The following ABRAXAS2 variants were observed in gnomAD, a reference collection of about 807,000 sequenced individuals.
ABRAXAS2 encodes abraxas 2, BRISC complex subunit, also known as BRISC complex subunit Abraxas 2.
ABRAXAS2 carries 23 observed loss-of-function variants against 49.0 expected under a neutral mutation model. The ratio of observed to expected loss-of-function variants is 0.47; its 90% CI spans 0.34 to 0.66. The LOEUF is 0.66. Among genes scored for constraint, ABRAXAS2 ranks in the 30% least tolerant of loss-of-function variants. ABRAXAS2 has a pLI of 0.01. For synonymous variants in ABRAXAS2, 168 were observed against 180.2 expected, an observed-to-expected ratio of 0.93 and a Z score of 0.54; for missense variants, 443 against 511.9, an observed-to-expected ratio of 0.87 and a Z score of 1.30.
intron 2 of ABRAXAS2, 24 bp from the exon 3 acceptor site, chr10:124,816,552 T>C (rs1207633823): frequency 6.4e-7 from 1 of 1,562,638 alleles, no homozygotes; most frequent in South Asian, 1.1e-5. Context: ...TTAACTAAGA[T>C]GTATTTCCTC....
At chr10:124,832,713 C>T (rs766160636) in intron 8 of ABRAXAS2, among the ~76,000 whole-genome samples, 68 of 151,902 alleles carry the variant, frequency 4.5e-4, no homozygotes, top group Non-Finnish European at 7.5e-4. Flanking sequence ...GTCATGGTGG[C>T]GTGCACCTGT....
At chr10:124,828,972 T>C in intron 6 of ABRAXAS2, 97 bp downstream of exon 6, 1 of 1,209,498 alleles carries the variant, frequency 8.3e-7, no homozygotes, top group South Asian at 1.5e-5. Context: ...TAAAACCAAG[T>C]TTGATATGAT....
At chr10:124,812,544 G>A (rs1300713809) in intron 2 of ABRAXAS2, among the ~76,000 whole-genome samples, 1 of 152,152 alleles carries the variant, frequency 6.6e-6, no homozygotes. Context: ...TTGGGAGGCT[G>A]TGGTGGGAGG....
At chr10:124,825,547 G>A (rs959910430) in intron 4 of ABRAXAS2, among the ~76,000 whole-genome samples, 2 of 152,136 alleles carry the variant, frequency 1.3e-5, no homozygotes, top group African/African-American at 4.8e-5. Flanking sequence ...GTAGTAATTA[G>A]TGAAAATATT....
At chr10:124,828,359 AAATT>A (rs1430188911) in intron 5 of ABRAXAS2, among the ~76,000 whole-genome samples, 36 of 151,542 alleles carry the variant, frequency 2.4e-4, no homozygotes, top group African/African-American at 8.7e-4. Flanking sequence ...CCTTTTTAAA[AAATT>A]ATTTATTTAT....
chr10:124,825,472 G>A (rs770128865), intron 4 of ABRAXAS2, among the ~76,000 whole-genome samples: 3 of 151,824 alleles, frequency 2.0e-5, no homozygotes, highest in Non-Finnish European at 2.9e-5. Flanking sequence ...TTATTTCTTT[G>A]TTCTCTGTAG....
intron 5 of ABRAXAS2, 25 bp downstream of exon 5, chr10:124,826,810 T>C: frequency 6.2e-7 from 1 of 1,610,652 alleles, no homozygotes; most frequent in Non-Finnish European, 8.5e-7. Flanking sequence ...TCCATCTGCC[T>C]CACATATAAG....
chr10:124,809,023 C>T (rs1213669625), intron 2 of ABRAXAS2, among the ~76,000 whole-genome samples: 1 of 151,820 alleles, frequency 6.6e-6, no homozygotes, highest in African/African-American at 2.4e-5. Flanking sequence ...CCCAGCTACT[C>T]GGGAGGCTGA....
intron 4 of ABRAXAS2, among the ~76,000 whole-genome samples, chr10:124,821,304 T>C (rs1215612525): frequency 6.7e-6 from 1 of 149,834 alleles, no homozygotes; most frequent in African/African-American, 2.4e-5. Context: ...CGGTGGCTCA[T>C]GCCTGTAATC....
intron 6 of ABRAXAS2, 49 bp downstream of exon 6, chr10:124,828,924 CT>C: frequency 6.3e-7 from 1 of 1,587,852 alleles, no homozygotes; most frequent in Non-Finnish European, 8.6e-7. Flanking sequence ...AGCAATATTT[CT>C]TTTGTTAATA....
In ABRAXAS2 at chr10:124,826,677, C is replaced by A; in HGVS notation, c.350C>A (p.Thr117Asn). ...GAGCAGGTTCTTCACAAGCAGCTCA[C>A]CCGCATCCTCGGCGTGCCCGACCTC... ...YREQVLHKQL[T>N]RILGVPDLVF... Residue 117 changes from threonine to asparagine, a missense_variant, in exon 5 of 9, where the codon ACC becomes AAC. Physicochemically the swap from Thr to Asn is moderately conservative, Grantham distance 65. Coordinates refer to ENST00000298492, the MANE Select transcript of ABRAXAS2 (RefSeq NM_032182.4). 1 of 1,614,218 alleles carries A rather than the reference C, an allele frequency of 6.2e-7. No homozygotes were observed. The highest frequency in any genetic ancestry group is 8.5e-7 in the Non-Finnish European group (1 of 1,180,042).
chr10:124,816,508 T>C lies in ABRAXAS2; in HGVS notation c.164-68T>C. On this transcript the variant is annotated intron_variant, in intron 2 of 8. Transcript: ENST00000298492. ...AGATTTTGATTAAAAAAAAAAGTCC[T>C]GAGCTATTTTATAGTTGCCTATGTC... The C allele has an allele frequency of 1.8e-6, 2 of 1,127,070 alleles. 1 individual carries two copies. Among genetic ancestry groups the C allele is most frequent in the South Asian group, 2.7e-5 (2 of 74,454 alleles). The allele number at this position is 1,127,070 out of a possible 1,614,324, so 69.8% of individuals were successfully genotyped here.
intron 6 of ABRAXAS2, among the ~76,000 whole-genome samples, chr10:124,829,117 A>C (rs940873324): frequency 6.6e-6 from 1 of 152,222 alleles, no homozygotes; most frequent in Admixed American, 6.5e-5. Context: ...TAATTGATAC[A>C]AAAGTTTTGG....
At position 124,834,642 on chromosome 10, in the gene ABRAXAS2, C is replaced by G. The variant is rs377318589; in HGVS notation, c.919C>G (p.Pro307Ala). Residue 307 changes from proline to alanine, a missense_variant, in exon 9 of 9, where the codon CCT becomes GCT. Physicochemically the swap from Pro to Ala is conservative, Grantham distance 27. Around this residue, in one of 3 missense-constraint regions of ABRAXAS2, gnomAD observed 230 missense variants for 237.0 expected, o/e 0.97. Transcript: ENST00000298492. ...GDAEASDPPP[P>A]YSDFHPNNQE... Reference sequence around the variant, plus strand: ...TGCAGAGGCCTCGGATCCTCCTCCCCCTTACTCTGATTTTCACCCAAACAA... The same window carrying G: ...TGCAGAGGCCTCGGATCCTCCTCCCGCTTACTCTGATTTTCACCCAAACAA... The G allele has an allele frequency of 2.5e-6, 4 of 1,614,070 alleles. No homozygotes were observed. The highest frequency in any genetic ancestry group is 2.2e-5 in the South Asian group (2 of 91,070).
intron 8 of ABRAXAS2, among the ~76,000 whole-genome samples, chr10:124,833,876 T>G (rs1950950524): frequency 6.6e-6 from 1 of 152,222 alleles, no homozygotes; most frequent in African/African-American, 2.4e-5. Context: ...TGGTTCAGTA[T>G]CTACTTAAGA....
chr10:124,813,890 T>C (rs1342423480), intron 2 of ABRAXAS2, among the ~76,000 whole-genome samples: 1 of 152,214 alleles, frequency 6.6e-6, no homozygotes, highest in Non-Finnish European at 1.5e-5. Flanking sequence ...TGAGTTTTTC[T>C]TTTCCCTGAA....
chr10:124,834,721 G>A lies in ABRAXAS2; in HGVS notation c.998G>A (p.Arg333Gln). 1.2e-6 allele frequency: 2 copies of A among 1,614,044 alleles called. No homozygotes were observed. Among genetic ancestry groups the A allele is most frequent in the Non-Finnish European group, 1.7e-6 (2 of 1,180,016 alleles). Residue 333 changes from arginine to glutamine, a missense_variant, in exon 9 of 9, where the codon CGA becomes CAA. Arg to Gln is a conservative substitution (Grantham distance 43, BLOSUM62 1). Coordinates refer to ENST00000298492, the MANE Select transcript of ABRAXAS2 (RefSeq NM_032182.4). ...ATGGAAAGGAGTGTCTTTATGCCTC[G>A]ACCTCAAGCTGTGGGCTCTTCCAAT... ...SRMERSVFMP[R>Q]PQAVGSSNYA... is the part of the protein sequence containing the mutation.
At chr10:124,811,509 C>T (rs573561325) in intron 2 of ABRAXAS2, among the ~76,000 whole-genome samples, 55 of 152,076 alleles carry the variant, frequency 3.6e-4, no homozygotes, top group African/African-American at 7.0e-4. Context: ...GGGCAGATCA[C>T]GAGGTCAGGA....
chr10:124,818,996 C>G (rs928304941), intron 3 of ABRAXAS2, among the ~76,000 whole-genome samples: 3 of 152,188 alleles, frequency 2.0e-5, no homozygotes, highest in Non-Finnish European at 2.9e-5. Flanking sequence ...ATGTCTTCTT[C>G]CACATCCCAC....
Sources: gnomAD v4.1 joint callset for allele counts (sites outside exome capture counted in the v4.1 genomes callset) on GRCh38, gnomAD v4.1.1 for gene constraint, gnomAD v4.1.1 regional missense constraint, MANE v1.5 for transcripts, NCBI Gene and HGNC (gene_info 2026-07-23, HGNC 2026-07-21) for gene names.